COL13A1: variants seen among roughly 807,000 people sequenced by gnomAD.
COL13A1 encodes the protein collagen alpha-1(XIII) chain.
Under a neutral mutation model 130.9 loss-of-function variants are expected in COL13A1, and 89 were observed. The ratio of observed to expected loss-of-function variants is 0.68; its 90% CI spans 0.57 to 0.81. The LOEUF is 0.81. Ranked by LOEUF, COL13A1 falls within the 30% of genes least tolerant of loss-of-function variation. The pLI is 0.00. For synonymous variants in COL13A1, 402 were observed against 341.6 expected (o/e 1.18, Z -1.95); for missense variants, 879 against 934.6 (o/e 0.94, Z 0.78).
At chr10:69,924,863 A>G in intron 24 of COL13A1, 100 bp from the exon 25 acceptor site, 1 of 1,215,016 alleles carries the variant, frequency 8.2e-7, no homozygotes, top group South Asian at 1.8e-5. Context: ...ACTAAGAGCT[A>G]AGATGAGCCT....
intron 17 of COL13A1, 146 bp downstream of exon 17, chr10:69,905,968 A>G: frequency 1.2e-6 from 1 of 860,994 alleles, no homozygotes; most frequent in Non-Finnish European, 1.8e-6. Context: ...TGGCCCCCCG[A>G]GGGCCTGATA....
chr10:69,864,293 G>A (rs774434062), intron 2 of COL13A1, among the ~76,000 whole-genome samples: 2 of 146,310 alleles, frequency 1.4e-5, no homozygotes, highest in African/African-American at 5.0e-5. Flanking sequence ...TATGTCTGCC[G>A]CATAATGAGC....
intron 2 of COL13A1, among the ~76,000 whole-genome samples, chr10:69,822,959 T>G (rs1846500166): frequency 6.6e-6 from 1 of 152,242 alleles, no homozygotes; most frequent in Non-Finnish European, 1.5e-5. Flanking sequence ...CATGCTTACA[T>G]GCAAGGAATG....
At chr10:69,842,134 G>A (rs1270778264) in intron 2 of COL13A1, among the ~76,000 whole-genome samples, 2 of 152,198 alleles carry the variant, frequency 1.3e-5, no homozygotes, top group Admixed American at 6.5e-5. Context: ...GACCTGGTGG[G>A]AGATGATTGA....
rs781114732 is a variant in COL13A1, at chr10:69,958,731, G to GTGTT, written c.*34_*37dup. 31 of 1,613,316 alleles carry GTGTT rather than the reference G, an allele frequency of 1.9e-5. No individual in the cohort carries two copies. The South Asian group carries it at 2.9e-4, about 15-fold the overall frequency. The stretch of plus-strand genomic sequence containing the variant: ...TCTAACCTTGGATTGGCCTGTGTGT[G>GTGTT]TGTTTGTACATAGAATATTTATTTT... On this transcript the variant is annotated 3_prime_UTR_variant, in exon 41 of 41. Transcript: ENST00000645393.
chr10:69,851,662 T>C (rs1380813178), intron 2 of COL13A1, among the ~76,000 whole-genome samples: 3 of 152,196 alleles, frequency 2.0e-5, no homozygotes, highest in Non-Finnish European at 2.9e-5. Flanking sequence ...TTTGTTTTGT[T>C]TTGTTTTTTT....
intron 2 of COL13A1, among the ~76,000 whole-genome samples, chr10:69,848,434 T>A (rs1237898059): frequency 6.6e-6 from 1 of 152,122 alleles, no homozygotes; most frequent in East Asian, 1.9e-4. Flanking sequence ...AGACTGAGGC[T>A]CAGAGAAATT....
intron 17 of COL13A1, among the ~76,000 whole-genome samples, chr10:69,906,894 C>G (rs1481646195): frequency 2.6e-5 from 4 of 152,002 alleles, no homozygotes; most frequent in Non-Finnish European, 5.9e-5. Context: ...CCATGCCCAG[C>G]CAGTTTTTGT....
intron 1 of COL13A1, among the ~76,000 whole-genome samples, chr10:69,813,370 G>A (rs7088730): frequency 0.011 from 1,684 of 152,142 alleles, 42 homozygotes; most frequent in African/African-American, 0.037. Flanking sequence ...GAAGGACTTC[G>A]TCATACGAAT....
intron 7 of COL13A1, 53 bp downstream of exon 7, chr10:69,880,606 A>T: frequency 6.3e-7 from 1 of 1,585,030 alleles, no homozygotes; most frequent in Non-Finnish European, 8.6e-7. Flanking sequence ...TGAGTTGATG[A>T]AAAGGGCTTT....
Position 69,867,781 on chromosome 10 carries a change from TTC to T in COL13A1, c.365-7_365-6del. On this transcript the variant is annotated splice_polypyrimidine_tract_variant and intron_variant, in intron 2 of 40. Coordinates refer to ENST00000645393, the MANE Select transcript of COL13A1 (RefSeq NM_001368882.1). Reference sequence around the variant, plus strand: ...CAGCAATGACACTGACCCAGGCATTTTCTCTCTCTCTTTCAGGACCTCCTGTA... The same window carrying T: ...CAGCAATGACACTGACCCAGGCATTTTCTCTCTCTTTCAGGACCTCCTGTA... 5 of 718,416 alleles carry T rather than the reference TTC, an allele frequency of 7.0e-6. No homozygotes were observed. Among genetic ancestry groups the T allele is most frequent in the South Asian group, 5.9e-5 (4 of 67,584 alleles). The allele number at this position is 718,416 out of a possible 1,614,324, so 44.5% of individuals were successfully genotyped here. A position where few individuals can be genotyped will look rare whatever the true frequency, so the allele number is the denominator to read the frequency against.
chr10:69,808,599 G>T (rs962103735), intron 1 of COL13A1, among the ~76,000 whole-genome samples: 4 of 152,212 alleles, frequency 2.6e-5, no homozygotes, highest in Admixed American at 2.0e-4. Flanking sequence ...ATTAGAGTCA[G>T]TGCACAAGAG....
chr10:69,924,681 C>A (rs1324380180), intron 24 of COL13A1, among the ~76,000 whole-genome samples: 1 of 152,012 alleles, frequency 6.6e-6, no homozygotes, highest in African/African-American at 2.4e-5. Context: ...ACTTAGGGGA[C>A]TGGGGAAAAG....
At chr10:69,910,872 T>C (rs2063297593) in intron 17 of COL13A1, among the ~76,000 whole-genome samples, 1 of 151,608 alleles carries the variant, frequency 6.6e-6, no homozygotes, top group East Asian at 2.0e-4. Flanking sequence ...CTGTCTCACT[T>C]TGGGGGCGCA....
Position 69,943,894 on chromosome 10 carries a change from G to C in COL13A1, c.1915-231G>C, listed in dbSNP as rs112253207. On this transcript the variant is annotated intron_variant, in intron 35 of 40. Transcript: ENST00000645393. ...TGGCAAGCTTGGTTGTGAAGCAAAAGGGTTTCAGTCCACAAATCTGGCTCT... is the reference window on the plus strand; with the variant it reads ...TGGCAAGCTTGGTTGTGAAGCAAAACGGTTTCAGTCCACAAATCTGGCTCT... 2.2e-3 allele frequency among the ~76,000 whole-genome samples: 337 copies of C among 152,350 alleles called. 1 individual carries two copies. The highest frequency in any genetic ancestry group is 7.3e-3 in the African/African-American group (305 of 41,586).
At chr10:69,957,622 C>T (rs1411908263) in intron 40 of COL13A1, among the ~76,000 whole-genome samples, 1 of 152,256 alleles carries the variant, frequency 6.6e-6, no homozygotes, top group Non-Finnish European at 1.5e-5. Flanking sequence ...TTGGCATTTG[C>T]CATTGTTAGA....
intron 7 of COL13A1, among the ~76,000 whole-genome samples, chr10:69,887,064 G>C (rs117354073): frequency 0.058 from 8,813 of 152,276 alleles, 338 homozygotes; most frequent in Non-Finnish European, 0.083. Flanking sequence ...CAATGACTGT[G>C]TAAATAAAAA....
chr10:69,854,124 C>T (rs1054494061), intron 2 of COL13A1, among the ~76,000 whole-genome samples: 5 of 152,240 alleles, frequency 3.3e-5, no homozygotes, highest in Admixed American at 6.5e-5. Flanking sequence ...GGCACGTACA[C>T]TGGAGGCCAT....
chr10:69,887,403 GCT>G (rs1320934972), intron 7 of COL13A1, 51 bp from the exon 8 acceptor site: 2 of 1,584,308 alleles, frequency 1.3e-6, no homozygotes, highest in Non-Finnish European at 1.7e-6. Flanking sequence ...CTAGGGATTG[GCT>G]CTGTCTCCTC....
Sources: allele counts gnomAD v4.1 joint callset (sites outside exome capture counted in the v4.1 genomes callset), GRCh38; gene constraint gnomAD v4.1.1; transcripts MANE v1.5; gene names NCBI Gene and HGNC (gene_info 2026-07-23, HGNC 2026-07-21).